Variants in GBE1 observed in about 807,000 individuals in gnomAD.
The protein encoded by GBE1 is 1,4-alpha-glucan-branching enzyme.
Under a neutral mutation model 88.8 loss-of-function variants are expected in GBE1, and 70 were observed. That is an observed-to-expected ratio of 0.79 (90% CI 0.65 to 0.96). The LOEUF (loss-of-function observed/expected upper bound fraction) is 0.96, where lower values mean the gene tolerates loss of function less well. GBE1 is among the 40% of genes least tolerant of loss of function. GBE1 has a pLI of 0.00. For missense variants in GBE1, 872 were observed against 871.0 expected, an observed-to-expected ratio of 1.00 and a Z score of -0.01; for synonymous variants, 284 against 300.1, an observed-to-expected ratio of 0.95 and a Z score of 0.56.
chr3:81,588,129 A>G (rs1703824398), intron 9 of GBE1, among the ~76,000 whole-genome samples: 1 of 151,564 alleles, frequency 6.6e-6, no homozygotes, highest in African/African-American at 2.4e-5. Context: ...TATGGAAGGA[A>G]GGTATAAGTA....
At chr3:81,652,161 A>G (rs1258058933) in intron 3 of GBE1, among the ~76,000 whole-genome samples, 2 of 152,238 alleles carry the variant, frequency 1.3e-5, no homozygotes, top group Admixed American at 6.5e-5. Context: ...GCTCAATATT[A>G]TCCAGCTATG....
At chr3:81,531,131 C>T (rs2106863391) in intron 14 of GBE1, among the ~76,000 whole-genome samples, 1 of 151,636 alleles carries the variant, frequency 6.6e-6, no homozygotes, top group Middle Eastern at 3.4e-3. Flanking sequence ...GCACCCACTG[C>T]CTGGTTACTG....
At chr3:81,727,807 G>A (rs1277035858) in intron 1 of GBE1, among the ~76,000 whole-genome samples, 3 of 152,126 alleles carry the variant, frequency 2.0e-5, no homozygotes, top group African/African-American at 7.2e-5. Flanking sequence ...AATTCATGCT[G>A]AATAAATTGA....
intron 12 of GBE1, among the ~76,000 whole-genome samples, chr3:81,559,516 C>T (rs1321343639): frequency 6.6e-6 from 1 of 151,812 alleles, no homozygotes; most frequent in Admixed American, 6.6e-5. Flanking sequence ...AATACTATTG[C>T]ATATCTGTTT....
chr3:81,689,286 C>A (rs901886999), intron 2 of GBE1, among the ~76,000 whole-genome samples: 2 of 152,164 alleles, frequency 1.3e-5, no homozygotes, highest in Admixed American at 6.5e-5. Context: ...AAGCTTGAGG[C>A]CATCAATTTT....
chr3:81,585,652 A>C (rs1434433198), intron 10 of GBE1, among the ~76,000 whole-genome samples: 1 of 152,358 alleles, frequency 6.6e-6, no homozygotes, highest in East Asian at 1.9e-4. Flanking sequence ...ATGTTGAATA[A>C]AGGAATGGAT....
intron 1 of GBE1, among the ~76,000 whole-genome samples, chr3:81,724,796 T>C (rs755776157): frequency 9.9e-5 from 15 of 152,108 alleles, no homozygotes; most frequent in South Asian, 2.1e-4. Context: ...AAATAAAAAA[T>C]GTCTTCATAT....
At chr3:81,670,753 A>G in intron 3 of GBE1, 85 bp downstream of exon 3, 1 of 704,594 alleles carries the variant, frequency 1.4e-6, no homozygotes, top group Non-Finnish European at 2.3e-6. Flanking sequence ...CATCAGTTGT[A>G]CATTCTAATA....
chr3:81,703,753 T>C (rs1705734280), intron 2 of GBE1, among the ~76,000 whole-genome samples: 1 of 152,012 alleles, frequency 6.6e-6, no homozygotes, highest in South Asian at 2.1e-4. Flanking sequence ...GAAAAGTGGA[T>C]GGTTGCATCT....
chr3:81,593,089 G>T (rs1001667252), intron 8 of GBE1, among the ~76,000 whole-genome samples: 2 of 151,972 alleles, frequency 1.3e-5, no homozygotes, highest in African/African-American at 4.8e-5. Context: ...TTGGCTGGGT[G>T]TGGTGGCTCA....
chr3:81,507,998 G>A (rs1019723931), intron 14 of GBE1, among the ~76,000 whole-genome samples: 1 of 152,094 alleles, frequency 6.6e-6, no homozygotes, highest in African/African-American at 2.4e-5. Flanking sequence ...ATAGCAATAA[G>A]ACAAGCTCAA....
chr3:81,723,620 AT>A (rs1196965284), intron 1 of GBE1, among the ~76,000 whole-genome samples: 1 of 151,966 alleles, frequency 6.6e-6, no homozygotes, highest in Non-Finnish European at 1.5e-5. Context: ...TTCAATACCT[AT>A]TTTCCTTCTT....
In GBE1 at chr3:81,642,843, A is replaced by G. The variant is rs1553688220; in HGVS notation, c.930T>C (p.Tyr310=). 1.9e-6 allele frequency: 3 copies of G among 1,613,502 alleles called. No individual in the cohort carries two copies. Among genetic ancestry groups the G allele is most frequent in the Non-Finnish European group, 1.7e-6 (2 of 1,179,528 alleles). ...GAGTCCCTCTAGGTCCAGAATGAAA[A>G]TAACAGGAATCTGTCCCATCAAACA... is the stretch of plus-strand genomic sequence containing the variant. ...LNMFDGTDSC[Y]FHSGPRGTHD... The change falls in exon 7 of 16, where the codon TAT becomes TAC. Residue 310 remains tyrosine, a synonymous_variant. Coordinates refer to ENST00000429644, the MANE Select transcript of GBE1 (RefSeq NM_000158.4).
At chr3:81,510,700 C>A (rs1227172676) in intron 14 of GBE1, among the ~76,000 whole-genome samples, 1 of 151,898 alleles carries the variant, frequency 6.6e-6, no homozygotes, top group African/African-American at 2.4e-5. Flanking sequence ...CTCATGTAAC[C>A]AAACACCACC....
chr3:81,749,501 G>A (rs1409596774), intron 1 of GBE1, among the ~76,000 whole-genome samples: 1 of 152,220 alleles, frequency 6.6e-6, no homozygotes, highest in Admixed American at 6.5e-5. Flanking sequence ...TAGCAGGAGA[G>A]CATTCCTTCG....
chr3:81,748,297 A>G (rs1706445936), intron 1 of GBE1, among the ~76,000 whole-genome samples: 1 of 152,214 alleles, frequency 6.6e-6, no homozygotes, highest in South Asian at 2.1e-4. Flanking sequence ...ACATAGCACT[A>G]TATACCTATT....
At chr3:81,524,712 T>A (rs1702921154) in intron 14 of GBE1, among the ~76,000 whole-genome samples, 1 of 151,900 alleles carries the variant, frequency 6.6e-6, no homozygotes, top group Non-Finnish European at 1.5e-5. Flanking sequence ...GAAAATGAGT[T>A]CACTGTAGAT....
intron 14 of GBE1, chr3:81,534,790 T>C (rs532304964): frequency 6.5e-6 from 1 of 153,160 alleles, no homozygotes; most frequent in African/African-American, 2.4e-5. Context: ...TTAAGAAATA[T>C]TCAGTTATAC....
intron 3 of GBE1, chr3:81,654,721 AAAGTG>A (rs1160048079): frequency 6.6e-6 from 1 of 152,234 alleles, no homozygotes; most frequent in Non-Finnish European, 1.5e-5. Context: ...GCTACAGGTC[AAAGTG>A]AATTATCAAA....
Sources: gnomAD v4.1 joint callset for allele counts (sites outside exome capture counted in the v4.1 genomes callset) on GRCh38, gnomAD v4.1.1 for gene constraint, MANE v1.5 for transcripts, NCBI Gene and HGNC (gene_info 2026-07-23, HGNC 2026-07-21) for gene names.